KDM4B: variants seen among roughly 807,000 people sequenced by gnomAD.
KDM4B encodes the protein lysine-specific demethylase 4B.
In KDM4B, 32 loss-of-function variants were observed where a neutral mutation model predicts 125.2. The observed-to-expected ratio is 0.26, with a 90% CI of 0.19 to 0.34. The LOEUF is 0.34. Ranked by LOEUF, KDM4B falls within the 10% of genes least tolerant of loss-of-function variation. The pLI is 1.00. For missense variants in KDM4B, 1,190 were observed against 1,577.7 expected, an observed-to-expected ratio of 0.75 and a Z score of 4.16; for synonymous variants, 721 against 677.9, an observed-to-expected ratio of 1.06 and a Z score of -0.99.
intron 2 of KDM4B, among the ~76,000 whole-genome samples, chr19:5,031,095 G>A (rs971361854): frequency 1.3e-5 from 2 of 152,242 alleles, no homozygotes; most frequent in African/African-American, 4.8e-5. Context: ...TGGCTCCCTG[G>A]GGACAGTGCG....
chr19:5,034,560 A>G (rs147876398), intron 3 of KDM4B, among the ~76,000 whole-genome samples: 2,179 of 152,328 alleles, frequency 0.014, 23 homozygotes, highest in Non-Finnish European at 0.022. Context: ...AAGCCTTCAT[A>G]ACTCAAAGGC....
At chr19:4,978,745 G>A (rs1423902521) in intron 1 of KDM4B, among the ~76,000 whole-genome samples, 2 of 152,140 alleles carry the variant, frequency 1.3e-5, no homozygotes, top group Non-Finnish European at 2.9e-5. Context: ...GGGCGCGGGA[G>A]GAGGGATGGG....
chr19:5,064,563 C>A (rs555225982), intron 6 of KDM4B, among the ~76,000 whole-genome samples: 1 of 152,258 alleles, frequency 6.6e-6, no homozygotes, highest in Non-Finnish European at 1.5e-5. Context: ...GGGTTGGATT[C>A]CAAGTGCCAC....
chr19:5,033,314 A>G (rs910097724), intron 3 of KDM4B, among the ~76,000 whole-genome samples: 1 of 152,230 alleles, frequency 6.6e-6, no homozygotes, highest in African/African-American at 2.4e-5. Context: ...AGTGAAGCCC[A>G]GGGGCAGTGG....
intron 6 of KDM4B, among the ~76,000 whole-genome samples, chr19:5,064,629 C>T (rs1210303758): frequency 1.3e-5 from 2 of 152,170 alleles, no homozygotes. Flanking sequence ...TATGATGTCC[C>T]GTTGCCTGGT....
At chr19:5,134,328 C>T (rs2039610879) in intron 14 of KDM4B, among the ~76,000 whole-genome samples, 1 of 152,138 alleles carries the variant, frequency 6.6e-6, no homozygotes, top group Non-Finnish European at 1.5e-5. Context: ...GGGTCACTGC[C>T]CTCAGGGAGC....
chr19:4,994,220 A>G (rs372820745), intron 1 of KDM4B, among the ~76,000 whole-genome samples: 2 of 151,566 alleles, frequency 1.3e-5, no homozygotes, highest in East Asian at 3.9e-4. Context: ...TGTTGGGATT[A>G]CAGGTGTGAG....
chr19:4,984,295 A>G (rs1406634935), intron 1 of KDM4B, among the ~76,000 whole-genome samples: 1 of 152,224 alleles, frequency 6.6e-6, no homozygotes, highest in Non-Finnish European at 1.5e-5. Flanking sequence ...GAGGTGCTGC[A>G]CTAGAAGTTT....
At chr19:4,990,695 T>G (rs1255200461) in intron 1 of KDM4B, among the ~76,000 whole-genome samples, 1 of 152,238 alleles carries the variant, frequency 6.6e-6, no homozygotes, top group Non-Finnish European at 1.5e-5. Context: ...GCCTTTGTTT[T>G]GGGGAGAATA....
intron 21 of KDM4B, among the ~76,000 whole-genome samples, chr19:5,148,220 C>G (rs926105119): frequency 6.6e-6 from 1 of 152,218 alleles, no homozygotes; most frequent in Non-Finnish European, 1.5e-5. Flanking sequence ...TGTTAAAAAG[C>G]AAACGCCGCC....
intron 1 of KDM4B, among the ~76,000 whole-genome samples, chr19:5,002,524 A>G (rs1300031880): frequency 1.1e-5 from 1 of 92,014 alleles, no homozygotes; most frequent in Non-Finnish European, 2.3e-5. Flanking sequence ...CTTTTTCTTT[A>G]TTCTCTTTCT....
intron 11 of KDM4B, among the ~76,000 whole-genome samples, chr19:5,126,327 A>G (rs1380741292): frequency 1.3e-5 from 2 of 152,178 alleles, no homozygotes; most frequent in African/African-American, 2.4e-5. Context: ...AGGAGGGACT[A>G]GCAGCCCCAC....
intron 2 of KDM4B, among the ~76,000 whole-genome samples, chr19:5,027,341 C>T (rs553534166): frequency 2.8e-4 from 43 of 152,278 alleles, no homozygotes; most frequent in Non-Finnish European, 1.5e-5. Context: ...GGCTCACACC[C>T]GGCTGTTTCC....
At position 5,135,330 on chromosome 19, in the gene KDM4B, C is replaced by A. The variant is rs544391664; in HGVS notation, c.2086-9C>A. On this transcript the variant is annotated splice_polypyrimidine_tract_variant and intron_variant, in intron 14 of 22. Coordinates refer to ENST00000159111, the MANE Select transcript of KDM4B (RefSeq NM_015015.3). ...GCTCTGTCCCCTGAAGGTCGCCTCT[C>A]CCCTACAGGCCCTACAGACTGAGAA... 6 of 1,593,856 alleles carry A rather than the reference C, an allele frequency of 3.8e-6. No homozygotes were observed. Among genetic ancestry groups the A allele is most frequent in the Non-Finnish European group, 5.2e-6 (6 of 1,162,816 alleles).
In KDM4B at chr19:4,971,821, G is replaced by A. The variant is rs994140027; in HGVS notation, c.-109+2591G>A. Among the ~76,000 whole-genome samples, 1 of 152,128 alleles carries A rather than the reference G, an allele frequency of 6.6e-6. No individual in the cohort carries two copies. The highest frequency in any genetic ancestry group is 2.4e-5 in the African/African-American group (1 of 41,424). ...GTTCCCTGGATCGGGGAGCGGAATT[G>A]GGGGTTCAGAGCTGGGTGACCTTGA... is the stretch of plus-strand genomic sequence containing the variant. On this transcript the variant is annotated intron_variant, in intron 1 of 22. Transcript: ENST00000159111. The surrounding 1 kb of genome is among the most constrained non-coding windows in gnomAD (Gnocchi z 4.1).
At chr19:5,138,365 A>G (rs1370369063) in intron 18 of KDM4B, 3 of 410,092 alleles carry the variant, frequency 7.3e-6, no homozygotes, top group East Asian at 4.8e-5. Flanking sequence ...CACCCCATGC[A>G]GTTTCCACCT....
At chr19:5,069,853 C>T (rs956612490) in intron 6 of KDM4B, among the ~76,000 whole-genome samples, 9 of 152,118 alleles carry the variant, frequency 5.9e-5, no homozygotes, top group South Asian at 2.1e-4. Flanking sequence ...GTGATCTGCC[C>T]GCCTCAGCCT....
intron 2 of KDM4B, among the ~76,000 whole-genome samples, chr19:5,024,802 G>A (rs1373800445): frequency 1.3e-5 from 2 of 152,108 alleles, no homozygotes; most frequent in Non-Finnish European, 2.9e-5. Context: ...ACAAAAATTA[G>A]CTGGACATGG....
chr19:5,096,699 G>A lies in KDM4B; in HGVS notation c.919-13923G>A, dbSNP rs572048802. Among the ~76,000 whole-genome samples the A allele has an allele frequency of 8.5e-4, 124 of 146,408 alleles. 1 individual carries two copies. The South Asian group carries it at 0.02, about 24-fold the overall frequency. ...CGGTGCCCCCGGCGGTGTCGGTGGCGCGTGTTGCCATGGCGCCTGCCTGGT... is the reference window on the plus strand; with the variant it reads ...CGGTGCCCCCGGCGGTGTCGGTGGCACGTGTTGCCATGGCGCCTGCCTGGT... On this transcript the variant is annotated intron_variant, in intron 9 of 22. Transcript: ENST00000159111.
Sources: allele counts gnomAD v4.1 joint callset (sites outside exome capture counted in the v4.1 genomes callset), GRCh38; gene constraint gnomAD v4.1.1; non-coding constraint Gnocchi (gnomAD v3.1); transcripts MANE v1.5; gene names NCBI Gene and HGNC (gene_info 2026-07-23, HGNC 2026-07-21).